The following PCBP3 variants were observed in gnomAD, a reference collection of about 807,000 sequenced individuals.
PCBP3 encodes the protein poly(rC) binding protein 3, also known as poly(rC)-binding protein 3.
Under a neutral mutation model 52.7 loss-of-function variants are expected in PCBP3, and 25 were observed. The ratio of observed to expected loss-of-function variants is 0.47; its 90% CI spans 0.35 to 0.66. PCBP3 has a LOEUF of 0.66. PCBP3 is among the 30% of genes least tolerant of loss of function. The pLI is 0.01. For missense variants in PCBP3, 391 were observed against 490.3 expected (o/e 0.80, Z 1.91); for synonymous variants, 162 against 183.0 (o/e 0.89, Z 0.93).
At chr21:45,790,469 T>G (rs2091465872) in intron 4 of PCBP3, among the ~76,000 whole-genome samples, 1 of 151,596 alleles carries the variant, frequency 6.6e-6, no homozygotes. Flanking sequence ...CCAGGAGAGG[T>G]GGACTTGTGC....
chr21:45,896,418 G>A, intron 6 of PCBP3, 56 bp downstream of exon 6: 1 of 1,492,776 alleles, frequency 6.7e-7, no homozygotes, highest in Non-Finnish European at 9.1e-7. Context: ...GACAGAACCA[G>A]AGATGCACTG....
chr21:45,832,438 A>G, intron 4 of PCBP3, among the ~76,000 whole-genome samples: 1 of 152,202 alleles, frequency 6.6e-6, no homozygotes, highest in Non-Finnish European at 1.5e-5. Context: ...AACAGGTCTC[A>G]GCCTTATTTT....
At position 45,827,609 on chromosome 21, in the gene PCBP3, G is replaced by A. The variant is rs2093341733; in HGVS notation, c.-125-22352G>A. Among the ~76,000 whole-genome samples, 1 of 152,186 alleles carries A rather than the reference G, an allele frequency of 6.6e-6. No individual in the cohort carries two copies. The highest frequency in any genetic ancestry group is 1.5e-5 in the Non-Finnish European group (1 of 68,038). On this transcript the variant is annotated intron_variant, in intron 4 of 17. Transcript: ENST00000681687. This position sits in a 1 kb window ranked among gnomAD's most constrained non-coding sequence, Gnocchi z 4.3. ...CCAACCAAGTCGAGGTTTCAGAACT[G>A]AAAGTACAGCCACCAGAATTTAGAA...
In PCBP3 at chr21:45,841,893, C is replaced by T. The variant is rs556501851; in HGVS notation, c.-125-8068C>T. ...ATCACTTCCAACTCAGGAGGGCTCC[C>T]TTCCCTGACTCTGTTGTCTAGAGAC... On this transcript the variant is annotated intron_variant, in intron 4 of 17. Coordinates refer to ENST00000681687, the MANE Select transcript of PCBP3 (RefSeq NM_001384156.1). Among the ~76,000 whole-genome samples, 19 of 152,338 alleles carry T rather than the reference C, an allele frequency of 1.2e-4. No individual in the cohort carries two copies. The South Asian group carries it at 3.5e-3, about 28-fold the overall frequency.
intron 4 of PCBP3, among the ~76,000 whole-genome samples, chr21:45,842,749 C>T (rs2093724555): frequency 6.6e-6 from 1 of 152,124 alleles, no homozygotes; most frequent in South Asian, 2.1e-4. Context: ...CCAGGCTCCT[C>T]CCTGGATCCT....
intron 13 of PCBP3, among the ~76,000 whole-genome samples, chr21:45,920,468 C>G (rs978238774): frequency 1.3e-5 from 2 of 152,204 alleles, no homozygotes; most frequent in African/African-American, 4.8e-5. Context: ...TAATGTATAA[C>G]TAACTGTTAA....
intron 2 of PCBP3, among the ~76,000 whole-genome samples, chr21:45,707,180 G>A (rs2083504477): frequency 2.0e-5 from 3 of 152,278 alleles, no homozygotes; most frequent in East Asian, 3.9e-4. Flanking sequence ...CTAGGTCAGT[G>A]CTTCTGAAAC....
In PCBP3 at chr21:45,931,272, A is replaced by G. The variant is rs150502576; in HGVS notation, c.856+427A>G. On this transcript the variant is annotated intron_variant, in intron 15 of 17. Coordinates refer to ENST00000681687, the MANE Select transcript of PCBP3 (RefSeq NM_001384156.1). The stretch of plus-strand genomic sequence containing the variant: ...GATTCAGTGACCAAGGCCATGAAAC[A>G]GACACAGTTGTTTGCCTGGGGCTTA... Among the ~76,000 whole-genome samples the G allele has an allele frequency of 2.4e-3, 369 of 152,380 alleles. 1 individual carries two copies. The highest frequency in any genetic ancestry group is 8.9e-3 in the South Asian group (43 of 4,830).
At chr21:45,793,337 C>T (rs1283443303) in intron 4 of PCBP3, among the ~76,000 whole-genome samples, 1 of 152,100 alleles carries the variant, frequency 6.6e-6, no homozygotes, top group Non-Finnish European at 1.5e-5. Flanking sequence ...ACGTCAAAAA[C>T]CGAGAGCTAT....
chr21:45,909,820 A>ACCCCC, intron 10 of PCBP3, among the ~76,000 whole-genome samples: 5 of 52,276 alleles, frequency 9.6e-5, no homozygotes, highest in Non-Finnish European at 1.6e-4. Flanking sequence ...CCAGATACGG[A>ACCCCC]CCCGGCCCAC....
At chr21:45,820,314 G>T (rs1017768038) in intron 4 of PCBP3, among the ~76,000 whole-genome samples, 2 of 152,262 alleles carry the variant, frequency 1.3e-5, no homozygotes, top group African/African-American at 4.8e-5. Flanking sequence ...AGGTCGTTGC[G>T]CCTACCTGGC....
intron 1 of PCBP3, among the ~76,000 whole-genome samples, chr21:45,647,343 C>T (rs1159708377): frequency 6.6e-6 from 1 of 152,182 alleles, no homozygotes; most frequent in Non-Finnish European, 1.5e-5. Context: ...TCTGGGAACC[C>T]ATGAGGGAAT....
chr21:45,713,643 C>T lies in PCBP3; in HGVS notation c.-199-21749C>T, dbSNP rs368043099. Among the ~76,000 whole-genome samples the T allele has an allele frequency of 6.4e-4, 97 of 152,332 alleles. 1 individual carries two copies. The South Asian group carries it at 0.017, about 27-fold the overall frequency. The stretch of plus-strand genomic sequence containing the variant: ...CTGAAGATGTGCCTGCACCTGCTGA[C>T]GCCATGCTCCGCTACTTGCATGGTG... On this transcript the variant is annotated intron_variant, in intron 2 of 17. Transcript: ENST00000681687.
intron 4 of PCBP3, among the ~76,000 whole-genome samples, chr21:45,840,396 G>A (rs924634823): frequency 2.7e-4 from 41 of 149,518 alleles, no homozygotes; most frequent in African/African-American, 9.2e-4. Context: ...GGCGGAGCTC[G>A]CAGTGAGCTG....
At chr21:45,801,973 G>A (rs545905293) in intron 4 of PCBP3, among the ~76,000 whole-genome samples, 2 of 152,290 alleles carry the variant, frequency 1.3e-5, no homozygotes, top group South Asian at 2.1e-4. Flanking sequence ...AGCGTCATCA[G>A]TGGAGCCGCT....
intron 15 of PCBP3, among the ~76,000 whole-genome samples, 163 bp from the exon 16 acceptor site, chr21:45,935,090 C>G (rs894610693): frequency 6.6e-6 from 1 of 152,212 alleles, no homozygotes; most frequent in Non-Finnish European, 1.5e-5. Flanking sequence ...CAGTTTGGGA[C>G]TGAAGCTCAC....
intron 4 of PCBP3, chr21:45,762,109 A>C (rs941396500): frequency 6.6e-6 from 1 of 152,142 alleles, no homozygotes; most frequent in African/African-American, 2.4e-5. Context: ...GTATTATCTA[A>C]GAGATTTTAT....
At chr21:45,916,754 C>T (rs1447518337) in intron 12 of PCBP3, 4 of 152,294 alleles carry the variant, frequency 2.6e-5, no homozygotes, top group African/African-American at 9.7e-5. Flanking sequence ...TGGTGCAGCC[C>T]TGTCCATGTC....
At chr21:45,824,480 A>C (rs1390876121) in intron 4 of PCBP3, among the ~76,000 whole-genome samples, 1 of 152,230 alleles carries the variant, frequency 6.6e-6, no homozygotes, top group Non-Finnish European at 1.5e-5. Context: ...CGCATTCCCT[A>C]TGTCCTCTAA....
Sources: allele counts gnomAD v4.1 joint callset (sites outside exome capture counted in the v4.1 genomes callset), GRCh38; gene constraint gnomAD v4.1.1; non-coding constraint Gnocchi (gnomAD v3.1); transcripts MANE v1.5; gene names NCBI Gene and HGNC (gene_info 2026-07-23, HGNC 2026-07-21).